Variants in COL3A1 observed in about 807,000 individuals in gnomAD.
COL3A1 encodes collagen alpha-1(III) chain.
COL3A1 carries 46 observed loss-of-function variants against 200.9 expected under a neutral mutation model. The ratio of observed to expected loss-of-function variants is 0.23; its 90% CI spans 0.18 to 0.29. The LOEUF (loss-of-function observed/expected upper bound fraction) is 0.29, where lower values mean the gene tolerates loss of function less well. Among genes scored for constraint, COL3A1 ranks in the 10% least tolerant of loss-of-function variants. The pLI, the probability that COL3A1 is intolerant of heterozygous loss-of-function variation, is 1.00. For missense variants in COL3A1, 1,367 were observed against 1,917.6 expected, an observed-to-expected ratio of 0.71 and a Z score of 5.36; for synonymous variants, 650 against 628.0, an observed-to-expected ratio of 1.03 and a Z score of -0.52.
chr2:189,007,402 TAGAA>T (rs951708291), intron 44 of COL3A1, 94 bp from the exon 45 acceptor site: 52 of 973,366 alleles, frequency 5.3e-5, no homozygotes, highest in Admixed American at 1.1e-4. Flanking sequence ...TTTTAGCTGA[TAGAA>T]AGCCATAAAA....
rs200152396 is a variant in COL3A1, at chr2:188,997,012, TATATATATATATGAGAC to T, written c.1762-142_1762-126del. Among the ~76,000 whole-genome samples, 113 of 134,798 alleles carry T rather than the reference TATATATATATATGAGAC, an allele frequency of 8.4e-4. 2 individuals carry two copies. In the East Asian group the frequency reaches 0.024, roughly 29 times the overall value. The allele number at this position is 134,798 out of a possible 152,430, so 88.4% of individuals were successfully genotyped here. A position where few individuals can be genotyped will look rare whatever the true frequency, so the allele number is the denominator to read the frequency against. On this transcript the variant is annotated intron_variant, in intron 24 of 50. Coordinates refer to ENST00000304636, the MANE Select transcript of COL3A1 (RefSeq NM_000090.4). ...TCAAAAATATGTATGTGTGTGTGTG[TATATATATATATGAGAC>T]ATATATATATGAGACATATATATAT...
rs794728056 is a variant in COL3A1 at position 189,010,288 on chromosome 2, C to T, written c.3934C>T (p.Arg1312Trp). Residue 1312 changes from arginine (R) to tryptophan (W), a missense_variant, in exon 49 of 51, where the codon CGG becomes TGG. By Grantham distance (101) the Arg-to-Trp change is moderately radical (BLOSUM62 -3). Around this residue, in one of 5 missense-constraint regions of COL3A1, gnomAD observed 846 missense variants for 1,147.9 expected, o/e 0.74. Coordinates refer to ENST00000304636, the MANE Select transcript of COL3A1 (RefSeq NM_000090.4). Reference sequence around the variant, plus strand: ...AAGTGCCAATCCTTTGAATGTTCCACGGAAACACTGGTGGACAGATTCTAG... The same window carrying T: ...AAGTGCCAATCCTTTGAATGTTCCATGGAAACACTGGTGGACAGATTCTAG... ...CISANPLNVP[R>W]KHWWTDSSAE... The T allele has an allele frequency of 1.9e-6, 3 of 1,614,084 alleles. No homozygotes were observed. Among genetic ancestry groups the T allele is most frequent in the Admixed American group, 1.7e-5 (1 of 60,016 alleles).
intron 1 of COL3A1, among the ~76,000 whole-genome samples, chr2:188,981,896 C>T (rs1239576215): frequency 6.6e-6 from 1 of 151,366 alleles, no homozygotes; most frequent in Non-Finnish European, 1.5e-5. Context: ...GCAAAGGTAA[C>T]TAAGGTAGAA....
At position 189,007,516 on chromosome 2, in the gene COL3A1, G is replaced by A. The variant is rs757244529; in HGVS notation, c.3272G>A (p.Arg1091His). 6.2e-6 allele frequency: 10 copies of A among 1,613,500 alleles called. No individual in the cohort carries two copies. In the Admixed American group the frequency reaches 6.7e-5, roughly 11 times the overall value. The change falls in exon 45 of 51, where the codon CGT becomes CAT. Residue 1091 changes from arginine (R) to histidine (H), a missense_variant. Coordinates refer to ENST00000304636, the MANE Select transcript of COL3A1 (RefSeq NM_000090.4). ...TTTCTAAAGGGTCCTCAAGGCCCACGTGGTGACAAAGGTGAAACAGGTGAA... is the reference window on the plus strand; with the variant it reads ...TTTCTAAAGGGTCCTCAAGGCCCACATGGTGACAAAGGTGAAACAGGTGAA... ...SRGAPGPQGP[R>H]GDKGETGERG... is the part of the protein sequence containing the mutation.
chr2:188,991,754 A>G, intron 13 of COL3A1, 32 bp downstream of exon 13: 1 of 1,611,776 alleles, frequency 6.2e-7, no homozygotes, highest in Non-Finnish European at 8.5e-7. Flanking sequence ...ACACAATTAC[A>G]ACCCAAAGTG....
chr2:188,975,975 T>G (rs1162196656), intron 1 of COL3A1, among the ~76,000 whole-genome samples: 1 of 151,904 alleles, frequency 6.6e-6, no homozygotes, highest in Non-Finnish European at 1.5e-5. Flanking sequence ...GGCCTCCTTA[T>G]GCCTCCATTT....
Position 189,006,330 on chromosome 2 carries a change from T to A in COL3A1, c.3094-15T>A, listed in dbSNP as rs754430201. On this transcript the variant is annotated splice_polypyrimidine_tract_variant and intron_variant, in intron 42 of 50. Coordinates refer to ENST00000304636, the MANE Select transcript of COL3A1 (RefSeq NM_000090.4). ...GATCATCATGTTTATTTTGTACCTATGAATTTGTTCACAGGGTGATCGTGG... is the reference window on the plus strand; with the variant it reads ...GATCATCATGTTTATTTTGTACCTAAGAATTTGTTCACAGGGTGATCGTGG... 2 of 1,614,166 alleles carry A rather than the reference T, an allele frequency of 1.2e-6. No individual in the cohort carries two copies. Among genetic ancestry groups the A allele is most frequent in the South Asian group, 2.2e-5 (2 of 91,090 alleles).
rs989124750 is a variant in COL3A1 at position 189,012,746 on chromosome 2, C to G, written c.*972C>G. ...CATAATAAAATATCATATTAAAATT[C>G]TCCTGTTTTTTGTCACTTTTCAAAG... On this transcript the variant is annotated 3_prime_UTR_variant, in exon 51 of 51. Coordinates refer to ENST00000304636, the MANE Select transcript of COL3A1 (RefSeq NM_000090.4). 1 of 152,294 alleles carries G rather than the reference C, an allele frequency of 6.6e-6. No individual in the cohort carries two copies. Among genetic ancestry groups the G allele is most frequent in the Non-Finnish European group, 1.5e-5 (1 of 67,962 alleles). 9.4% of individuals were successfully genotyped at this position (152,294 alleles called of 1,614,324 possible). A position where few individuals can be genotyped will look rare whatever the true frequency, so the allele number is the denominator to read the frequency against.
chr2:189,011,698 T>C lies in COL3A1; in HGVS notation c.4325T>C (p.Val1442Ala). The C allele has an allele frequency of 1.2e-6, 2 of 1,614,084 alleles. No individual in the cohort carries two copies. Among genetic ancestry groups the C allele is most frequent in the Non-Finnish European group, 1.7e-6 (2 of 1,179,926 alleles). ...RTRKAVRLPIVDIAPYDIGGP... is the reference protein window; with the variant it reads ...RTRKAVRLPIADIAPYDIGGP... Reference sequence around the variant, plus strand: ...CGCAAGGCTGTGAGACTACCTATTGTAGATATTGCACCCTATGACATTGGT... The same window carrying C: ...CGCAAGGCTGTGAGACTACCTATTGCAGATATTGCACCCTATGACATTGGT... Residue 1442 changes from valine to alanine, a missense_variant, in exon 51 of 51, where the codon GTA becomes GCA. Around this residue, in one of 5 missense-constraint regions of COL3A1, gnomAD observed 846 missense variants for 1,147.9 expected, o/e 0.74. Transcript: ENST00000304636.
chr2:188,999,962 A>C, intron 32 of COL3A1, 67 bp downstream of exon 32: 2 of 1,499,780 alleles, frequency 1.3e-6, no homozygotes, highest in South Asian at 2.4e-5. Flanking sequence ...CTGCACTTCA[A>C]CTTTAATTTT....
intron 24 of COL3A1, 77 bp downstream of exon 24, chr2:188,996,573 T>A: frequency 8.1e-7 from 1 of 1,228,078 alleles, no homozygotes; most frequent in Non-Finnish European, 1.2e-6. Context: ...AAAGAAATGG[T>A]CAAAACTCAG....
At position 189,011,905 on chromosome 2, in the gene COL3A1, T is replaced by C. The variant is rs1446486685; in HGVS notation, c.*131T>C. 1 of 995,900 alleles carries C rather than the reference T, an allele frequency of 1.0e-6. No individual in the cohort carries two copies. Among genetic ancestry groups the C allele is most frequent in the African/African-American group, 1.6e-5 (1 of 61,380 alleles). 61.7% of individuals were successfully genotyped at this position (995,900 alleles called of 1,614,324 possible). On this transcript the variant is annotated 3_prime_UTR_variant, in exon 51 of 51. Transcript: ENST00000304636. ...TTATTTCCAAAATGTTTGGAAACAG[T>C]ATAATTTGACAAAGAAAAATGATAC...
intron 42 of COL3A1, 35 bp from the exon 43 acceptor site, chr2:189,006,310 T>C (rs761669791): frequency 6.8e-6 from 11 of 1,613,528 alleles, no homozygotes; most frequent in Non-Finnish European, 9.3e-6. Flanking sequence ...TAAGTGATCA[T>C]CATGTTTATT....
At chr2:188,977,744 G>T (rs1313855577) in intron 1 of COL3A1, among the ~76,000 whole-genome samples, 1 of 151,932 alleles carries the variant, frequency 6.6e-6, no homozygotes, top group African/African-American at 2.4e-5. Flanking sequence ...TCTTAATTTT[G>T]TAACTATTTG....
At position 188,994,388 on chromosome 2, in the gene COL3A1, C is replaced by T; in HGVS notation, c.1293+56C>T. The stretch of plus-strand genomic sequence containing the variant: ...GAAAGGTATAGTTTAATTCCATCAA[C>T]AAAAAATTAATAGCAAAATTTTGCT... On this transcript the variant is annotated intron_variant, in intron 18 of 50. Transcript: ENST00000304636. The surrounding 1 kb of genome is among the most constrained non-coding windows in gnomAD (Gnocchi z 4.5). 1 of 1,605,256 alleles carries T rather than the reference C, an allele frequency of 6.2e-7. No homozygotes were observed. Among genetic ancestry groups the T allele is most frequent in the Non-Finnish European group, 8.5e-7 (1 of 1,172,922 alleles).
intron 1 of COL3A1, among the ~76,000 whole-genome samples, chr2:188,981,749 C>T (rs1356164660): frequency 2.6e-5 from 4 of 151,420 alleles, no homozygotes; most frequent in Non-Finnish European, 5.9e-5. Flanking sequence ...CCATGATTTT[C>T]GCACATATTA....
intron 27 of COL3A1, 33 bp downstream of exon 27, chr2:188,997,786 TCTGA>T (rs1688363197): frequency 1.9e-6 from 3 of 1,602,016 alleles, no homozygotes; most frequent in Non-Finnish European, 2.6e-6. Flanking sequence ...TCACGGCATA[TCTGA>T]CTGTCAAATT....
rs41263745 is a variant in COL3A1, at chr2:188,995,892, A to G, written c.1608+102A>G. 3.8e-4 allele frequency: 425 copies of G among 1,112,080 alleles called. 4 individuals carry two copies. The African/African-American group carries it at 5.4e-3, about 14-fold the overall frequency. The allele number at this position is 1,112,080 out of a possible 1,614,324, so 68.9% of individuals were successfully genotyped here. On this transcript the variant is annotated intron_variant, in intron 22 of 50. Coordinates refer to ENST00000304636, the MANE Select transcript of COL3A1 (RefSeq NM_000090.4). ...GCAACTTAAATCAATCAGATTACAT[A>G]TTTTGTAAGGCACCAAACAAAACAA... is the stretch of plus-strand genomic sequence containing the variant.
At position 188,985,772 on chromosome 2, in the gene COL3A1, T is replaced by A; in HGVS notation, c.441T>A (p.Gly147=). The A allele has an allele frequency of 6.2e-7, 1 of 1,607,736 alleles. No individual in the cohort carries two copies. The highest frequency in any genetic ancestry group is 8.5e-7 in the Non-Finnish European group (1 of 1,175,108). Residue 147 remains glycine (G), a synonymous_variant, in exon 4 of 51, where the codon GGT becomes GGA. Coordinates refer to ENST00000304636, the MANE Select transcript of COL3A1 (RefSeq NM_000090.4). ...PPGICESCPT[G]PQNYSPQYDS... is the part of the protein sequence containing the mutation. The stretch of plus-strand genomic sequence containing the variant: ...GAATCTGTGAATCATGCCCTACTGG[T>A]CCTCAGGTATAACAATTACGGTACT...
Sources: allele counts gnomAD v4.1 joint callset (sites outside exome capture counted in the v4.1 genomes callset), GRCh38; gene constraint gnomAD v4.1.1; regional missense constraint gnomAD v4.1.1; non-coding constraint Gnocchi (gnomAD v3.1); transcripts MANE v1.5; gene names NCBI Gene and HGNC (gene_info 2026-07-23, HGNC 2026-07-21).